FCHO2: variants seen among roughly 807,000 people sequenced by gnomAD.
The protein encoded by FCHO2 is FCH and mu domain containing endocytic adaptor 2, also known as F-BAR domain only protein 2.
In FCHO2, 43 loss-of-function variants were observed where a neutral mutation model predicts 114.1. The observed-to-expected ratio is 0.38, with a 90% CI of 0.30 to 0.49. The LOEUF is 0.49. Among genes scored for constraint, FCHO2 ranks in the 20% least tolerant of loss-of-function variants. The probability of loss-of-function intolerance (pLI) is 0.97; values close to 1 mark genes in which losing one functional copy is unlikely to be tolerated. For missense variants in FCHO2, 807 were observed against 950.4 expected (o/e 0.85, Z 1.98); for synonymous variants, 293 against 315.2 (o/e 0.93, Z 0.75).
chr5:73,028,817 G>A (rs376248744), intron 8 of FCHO2, among the ~76,000 whole-genome samples: 36 of 151,804 alleles, frequency 2.4e-4, no homozygotes, highest in South Asian at 2.1e-4. Flanking sequence ...TGCCCAGTTA[G>A]TTTTTGTATT....
At position 73,015,623 on chromosome 5, in the gene FCHO2, C is replaced by A; in HGVS notation, c.601-3C>A. ...AATCTATAACTTTGTATATGTTACC[C>A]AGAAATTTCAAGATATTGAAGAAAC... On this transcript the variant is annotated splice_polypyrimidine_tract_variant and splice_region_variant and intron_variant, in intron 6 of 25. Transcript: ENST00000430046. 6.6e-7 allele frequency: 1 copy of A among 1,519,580 alleles called. No individual in the cohort carries two copies. Among genetic ancestry groups the A allele is most frequent in the Non-Finnish European group, 8.9e-7 (1 of 1,119,060 alleles). 94.1% of individuals were successfully genotyped at this position (1,519,580 alleles called of 1,614,324 possible).
At position 73,041,231 on chromosome 5, in the gene FCHO2, A is replaced by G. The variant is rs2112809600; in HGVS notation, c.915-60A>G. 6 of 1,113,044 alleles carry G rather than the reference A, an allele frequency of 5.4e-6. No individual in the cohort carries two copies. In the South Asian group the frequency reaches 8.0e-5, roughly 15 times the overall value. The allele number at this position is 1,113,044 out of a possible 1,614,324, so 68.9% of individuals were successfully genotyped here. ...TTAAGTACCAAAGTAAATACTTTAA[A>G]CAAGCATAATTAGCAGACAATTCTA... On this transcript the variant is annotated intron_variant, in intron 10 of 25. Coordinates refer to ENST00000430046, the MANE Select transcript of FCHO2 (RefSeq NM_138782.3).
chr5:73,019,841 A>G (rs767355451), intron 8 of FCHO2, among the ~76,000 whole-genome samples: 2 of 152,256 alleles, frequency 1.3e-5, no homozygotes, highest in African/African-American at 2.4e-5. Flanking sequence ...GCATATTGCT[A>G]TTTTTTGAAC....
intron 8 of FCHO2, among the ~76,000 whole-genome samples, chr5:73,034,303 C>T (rs962205943): frequency 6.6e-5 from 10 of 152,150 alleles, no homozygotes; most frequent in African/African-American, 1.7e-4. Flanking sequence ...GATTCAGCAA[C>T]CACCTTTACC....
At chr5:73,013,288 A>G (rs1429364654) in intron 6 of FCHO2, among the ~76,000 whole-genome samples, 2 of 151,710 alleles carry the variant, frequency 1.3e-5, no homozygotes, top group Non-Finnish European at 2.9e-5. Context: ...GGTTCTTACC[A>G]TTTACACATT....
At chr5:73,050,152 T>G (rs1204710241) in intron 11 of FCHO2, among the ~76,000 whole-genome samples, 1 of 152,128 alleles carries the variant, frequency 6.6e-6, no homozygotes, top group Non-Finnish European at 1.5e-5. Context: ...TTATTACTCC[T>G]TAGTATTTTG....
chr5:73,077,223 C>G lies in FCHO2; in HGVS notation c.1692-115C>G, dbSNP rs565034355. The G allele has an allele frequency of 2.1e-4, 166 of 789,048 alleles. 3 individuals carry two copies. The South Asian group carries it at 3.2e-3, about 15-fold the overall frequency. 48.9% of individuals were successfully genotyped at this position (789,048 alleles called of 1,614,324 possible). On this transcript the variant is annotated intron_variant, in intron 20 of 25. Transcript: ENST00000430046. ...TTATGATAAAGGATATAGATATACA[C>G]ACATATAGGTGCGTGTGTGTGTGCG...
chr5:73,059,866 G>C (rs1052992838), intron 17 of FCHO2, among the ~76,000 whole-genome samples: 1 of 151,880 alleles, frequency 6.6e-6, no homozygotes, highest in Non-Finnish European at 1.5e-5. Flanking sequence ...GTTGTTGCCA[G>C]ATCTCTCTTT....
rs1297383257 is a variant in FCHO2 at position 73,090,163 on chromosome 5, A to T, written c.*2073A>T. 6.6e-6 allele frequency: 1 copy of T among 152,586 alleles called. No individual in the cohort carries two copies. The highest frequency in any genetic ancestry group is 1.5e-5 in the Non-Finnish European group (1 of 67,984). 9.5% of individuals were successfully genotyped at this position (152,586 alleles called of 1,614,324 possible). On this transcript the variant is annotated 3_prime_UTR_variant, in exon 26 of 26. Coordinates refer to ENST00000430046, the MANE Select transcript of FCHO2 (RefSeq NM_138782.3). ...CTTAGTTACCACAGTCTTCATACCA[A>T]GTATTGGGTACAGGTTACAATTTTG...
At chr5:73,007,996 G>A (rs1754810963) in intron 6 of FCHO2, among the ~76,000 whole-genome samples, 1 of 152,028 alleles carries the variant, frequency 6.6e-6, no homozygotes, top group Non-Finnish European at 1.5e-5. Context: ...GGCCCAGAGG[G>A]TATAAAAGAA....
intron 11 of FCHO2, among the ~76,000 whole-genome samples, chr5:73,049,128 G>A (rs1436201474): frequency 6.6e-6 from 1 of 151,666 alleles, no homozygotes; most frequent in East Asian, 1.9e-4. Context: ...CGCCCGCCTC[G>A]GCCTCCCAAA....
At chr5:73,084,679 T>C (rs546344649) in intron 24 of FCHO2, among the ~76,000 whole-genome samples, 28 of 152,338 alleles carry the variant, frequency 1.8e-4, no homozygotes, top group African/African-American at 6.7e-4. Flanking sequence ...GCTTTTCTCA[T>C]AGATATTTCT....
At chr5:73,058,624 T>A in intron 17 of FCHO2, 100 bp downstream of exon 17, 1 of 503,514 alleles carries the variant, frequency 2.0e-6, no homozygotes, top group Non-Finnish European at 3.2e-6. Context: ...GATCAAAATT[T>A]CTAAAAATTT....
At chr5:72,959,853 C>T (rs772563624) in intron 1 of FCHO2, among the ~76,000 whole-genome samples, 2 of 151,606 alleles carry the variant, frequency 1.3e-5, no homozygotes, top group Non-Finnish European at 2.9e-5. Flanking sequence ...GAGCATGGCT[C>T]GCTGCAGCTT....
At chr5:72,984,533 T>C in intron 2 of FCHO2, among the ~76,000 whole-genome samples, 1 of 152,270 alleles carries the variant, frequency 6.6e-6, no homozygotes, top group Admixed American at 6.5e-5. Context: ...AGGAAAGTTT[T>C]AAATTACATA....
chr5:73,020,836 T>C, intron 8 of FCHO2: 2 of 919,844 alleles, frequency 2.2e-6, no homozygotes, highest in Non-Finnish European at 3.7e-6. Flanking sequence ...GCCGAGCTGC[T>C]CATCTGAGAT....
chr5:73,003,781 T>C (rs1017844862), intron 5 of FCHO2, among the ~76,000 whole-genome samples: 3 of 152,182 alleles, frequency 2.0e-5, no homozygotes, highest in Admixed American at 6.5e-5. Context: ...TGGTGGCTCA[T>C]GCCTGTAATC....
chr5:72,994,301 C>T (rs531532438), intron 5 of FCHO2, among the ~76,000 whole-genome samples: 2 of 152,100 alleles, frequency 1.3e-5, no homozygotes, highest in South Asian at 2.1e-4. Context: ...AGAAAAACAA[C>T]CCTATTAAAA....
intron 16 of FCHO2, among the ~76,000 whole-genome samples, chr5:73,057,637 A>G (rs1757657295): frequency 6.6e-6 from 1 of 152,186 alleles, no homozygotes; most frequent in Non-Finnish European, 1.5e-5. Context: ...TTCATCTTTG[A>G]AAATAAGTAT....
Sources: gnomAD v4.1 joint callset for allele counts (sites outside exome capture counted in the v4.1 genomes callset) on GRCh38, gnomAD v4.1.1 for gene constraint, MANE v1.5 for transcripts, NCBI Gene and HGNC (gene_info 2026-07-23, HGNC 2026-07-21) for gene names.